Variants in RBFOX1 observed in about 807,000 individuals in gnomAD.
The protein encoded by RBFOX1 is RNA binding fox-1 homolog 1, also known as RNA binding protein fox-1 homolog 1.
A neutral mutation model predicts 57.7 loss-of-function variants in RBFOX1; 8 were observed. That is an observed-to-expected ratio of 0.14 (90% CI 0.08 to 0.25). The LOEUF is 0.25. RBFOX1 is among the 10% of genes least tolerant of loss of function. RBFOX1 has a pLI of 1.00. For synonymous variants in RBFOX1, 326 were observed against 222.4 expected (o/e 1.47, Z -4.15); for missense variants, 611 against 548.5 (o/e 1.11, Z -1.14).
intron 3 of RBFOX1, among the ~76,000 whole-genome samples, chr16:5,841,200 C>T (rs1249942469): frequency 6.6e-6 from 1 of 152,146 alleles, no homozygotes; most frequent in Admixed American, 6.5e-5. Context: ...ACTGTTATCA[C>T]CACCAATCCA....
intron 4 of RBFOX1, among the ~76,000 whole-genome samples, chr16:7,234,538 T>C (rs1160981806): frequency 6.6e-6 from 1 of 151,964 alleles, no homozygotes; most frequent in Non-Finnish European, 1.5e-5. Context: ...CTGGATAGTA[T>C]GAAGCATTTA....
chr16:5,655,418 A>T (rs867360931), intron 3 of RBFOX1, among the ~76,000 whole-genome samples: 6 of 152,194 alleles, frequency 3.9e-5, no homozygotes, highest in African/African-American at 1.2e-4. Context: ...GTGGAGGTCA[A>T]TTGAGGCTTT....
At chr16:7,032,918 G>A (rs149574197) in intron 3 of RBFOX1, among the ~76,000 whole-genome samples, 8 of 152,120 alleles carry the variant, frequency 5.3e-5, no homozygotes, top group African/African-American at 1.9e-4. Flanking sequence ...TGGGAAGGAG[G>A]CTTTTCCTGG....
At chr16:7,384,844 T>C (rs1435761347) in intron 4 of RBFOX1, among the ~76,000 whole-genome samples, 1 of 152,204 alleles carries the variant, frequency 6.6e-6, no homozygotes, top group Non-Finnish European at 1.5e-5. Flanking sequence ...GCTTATATTC[T>C]AGTTGAAAGG....
chr16:7,282,058 A>G (rs1039623628), intron 4 of RBFOX1, among the ~76,000 whole-genome samples: 2 of 151,818 alleles, frequency 1.3e-5, no homozygotes, highest in African/African-American at 4.8e-5. Context: ...TTGTAGAGAC[A>G]GGGTTTCTAT....
At chr16:6,785,850 G>C (rs923345381) in intron 3 of RBFOX1, among the ~76,000 whole-genome samples, 1 of 137,632 alleles carries the variant, frequency 7.3e-6, no homozygotes, top group South Asian at 2.3e-4. Flanking sequence ...TAGACTCAAA[G>C]TCCATTAGAC....
chr16:6,993,293 C>T (rs1421621634), intron 3 of RBFOX1, among the ~76,000 whole-genome samples: 1 of 152,206 alleles, frequency 6.6e-6, no homozygotes, highest in Non-Finnish European at 1.5e-5. Flanking sequence ...AATGAGTCTT[C>T]TGAGAATCAG....
intron 3 of RBFOX1, among the ~76,000 whole-genome samples, chr16:5,661,787 C>CT (rs1042001285): frequency 6.6e-5 from 10 of 151,942 alleles, no homozygotes; most frequent in African/African-American, 2.4e-4. Context: ...AAAACTTAGC[C>CT]TTTTTTTATT....
chr16:7,060,259 C>A (rs1034866813), intron 4 of RBFOX1, among the ~76,000 whole-genome samples: 1 of 152,112 alleles, frequency 6.6e-6, no homozygotes, highest in Non-Finnish European at 1.5e-5. Flanking sequence ...CTCAATAAAA[C>A]TTTATTTACA....
chr16:7,529,321 C>T (rs930029886), intron 5 of RBFOX1, among the ~76,000 whole-genome samples: 1 of 152,194 alleles, frequency 6.6e-6, no homozygotes, highest in Non-Finnish European at 1.5e-5. Context: ...AGGCAAGTAA[C>T]ATCCATGCTT....
At chr16:6,474,042 G>C (rs1723061716) in intron 2 of RBFOX1, among the ~76,000 whole-genome samples, 1 of 152,132 alleles carries the variant, frequency 6.6e-6, no homozygotes, top group African/African-American at 2.4e-5. Context: ...TAGACAATAA[G>C]CTGGTTTCCT....
intron 2 of RBFOX1, among the ~76,000 whole-genome samples, chr16:6,473,244 C>T (rs1023964903): frequency 6.6e-6 from 1 of 152,124 alleles, no homozygotes; most frequent in Non-Finnish European, 1.5e-5. Context: ...CATGGATCAC[C>T]CTCCGAGGCT....
intron 1 of RBFOX1, among the ~76,000 whole-genome samples, chr16:6,285,369 A>AAAG (rs1390675477): frequency 2.6e-5 from 4 of 152,166 alleles, no homozygotes; most frequent in African/African-American, 4.8e-5. Flanking sequence ...GAACTGAATA[A>AAAG]AAGGAGCCAT....
chr16:6,680,425 G>A (rs2058476774), intron 3 of RBFOX1, among the ~76,000 whole-genome samples: 1 of 151,792 alleles, frequency 6.6e-6, no homozygotes, highest in Non-Finnish European at 1.5e-5. Context: ...ACCACACCTG[G>A]CTAATTTTTT....
At chr16:6,465,568 CAG>C (rs1174303231) in intron 2 of RBFOX1, among the ~76,000 whole-genome samples, 21 of 151,422 alleles carry the variant, frequency 1.4e-4, no homozygotes, top group African/African-American at 4.9e-4. Flanking sequence ...ACATTCAGAT[CAG>C]AGTCTTCTCA....
chr16:7,353,837 T>A (rs2097169168), intron 4 of RBFOX1, among the ~76,000 whole-genome samples: 1 of 152,222 alleles, frequency 6.6e-6, no homozygotes, highest in African/African-American at 2.4e-5. Context: ...TTTATGGATA[T>A]GGATTTTCTT....
chr16:6,627,074 C>G (rs1193170459), intron 2 of RBFOX1, among the ~76,000 whole-genome samples: 1 of 152,246 alleles, frequency 6.6e-6, no homozygotes, highest in Non-Finnish European at 1.5e-5. Flanking sequence ...TCCTGGCGGT[C>G]TGGCTCTAAA....
In RBFOX1 at chr16:7,034,848, C is replaced by CTTTTCTTTTTTTTTTTTTTTTTTTT; in HGVS notation, c.-15-17205_-15-17204insCTTTTTTTTTTTTTTTTTTTTTTTT. ...ATTACTTTTTTTTTTTTTCTTTTTT[C>CTTTTCTTTTTTTTTTTTTTTTTTTT]TTTTTTTTTTTTTTTTTTGAGATGG... On this transcript the variant is annotated intron_variant, in intron 3 of 15. Transcript: ENST00000550418. Among the ~76,000 whole-genome samples, 32 of 30,838 alleles carry CTTTTCTTTTTTTTTTTTTTTTTTTT rather than the reference C, an allele frequency of 1.0e-3. 1 individual carries two copies. The highest frequency in any genetic ancestry group is 2.3e-3 in the African/African-American group (13 of 5,750). 20.2% of individuals were successfully genotyped at this position (30,838 alleles called of 152,430 possible). A position where few individuals can be genotyped will look rare whatever the true frequency, so the allele number is the denominator to read the frequency against.
chr16:6,405,252 T>A (rs1192441814), intron 2 of RBFOX1, among the ~76,000 whole-genome samples: 1 of 152,176 alleles, frequency 6.6e-6, no homozygotes, highest in Admixed American at 6.5e-5. Context: ...GAGGGTGTTT[T>A]GAGATGGGCT....
Sources: allele counts gnomAD v4.1 joint callset (sites outside exome capture counted in the v4.1 genomes callset), GRCh38; gene constraint gnomAD v4.1.1; transcripts MANE v1.5; gene names NCBI Gene and HGNC (gene_info 2026-07-23, HGNC 2026-07-21).